NRK: variants seen among roughly 807,000 people sequenced by gnomAD.
NRK encodes the protein Nik related kinase.
NRK carries 67 observed loss-of-function variants against 125.2 expected under a neutral mutation model. The ratio of observed to expected loss-of-function variants is 0.54; its 90% confidence interval spans 0.44 to 0.66. NRK has a LOEUF of 0.66. Ranked by LOEUF, NRK falls within the 30% of genes least tolerant of loss-of-function variation. The pLI, the probability that NRK is intolerant of heterozygous loss-of-function variation, is 0.00. For missense variants in NRK, 1,224 were observed against 1,192.9 expected, an observed-to-expected ratio of 1.03 and a Z score of -0.38; for synonymous variants, 458 against 429.0, an observed-to-expected ratio of 1.07 and a Z score of -0.84.
chrX:105,898,646 A>G lies in NRK; in HGVS notation c.643A>G (p.Thr215Ala). ...TGGAAGAAGGAATAGTTTCATTGGG[A>G]CACCATACTGGATGGCACCTGAGGT... ...TNGRRNSFIGTPYWMAPEVID... is the reference protein window; with the variant it reads ...TNGRRNSFIGAPYWMAPEVID... The change falls in exon 8 of 29, where the codon ACA becomes GCA. Residue 215 changes from threonine (T) to alanine (A), a missense_variant. Transcript: ENST00000243300. 8.3e-7 allele frequency: 1 copy of G among 1,198,690 alleles called. No individual in the cohort carries two copies. Among genetic ancestry groups the G allele is most frequent in the Non-Finnish European group, 1.1e-6 (1 of 886,092 alleles).
intron 2 of NRK, among the ~76,000 whole-genome samples, chrX:105,849,194 G>A (rs1166304559): frequency 2.7e-5 from 3 of 111,524 alleles, no homozygotes; most frequent in Admixed American, 9.5e-5. Context: ...GCATGGTGGC[G>A]GCAAGAGAAA....
intron 23 of NRK, among the ~76,000 whole-genome samples, chrX:105,943,455 G>A (rs1231092600): frequency 8.9e-6 from 1 of 111,880 alleles, no homozygotes; most frequent in Non-Finnish European, 1.9e-5. Flanking sequence ...ATTGGAAAGT[G>A]TGAGTTCTCC....
In NRK at chrX:105,911,093, T is replaced by A. The variant is rs1284773144; in HGVS notation, c.2241+1211T>A. Reference sequence around the variant, plus strand: ...GCAAGCTTGGTATATTTTTGTTTCTTCCCCTCTCTTCTTCTGTGATTAATT... The same window carrying A: ...GCAAGCTTGGTATATTTTTGTTTCTACCCCTCTCTTCTTCTGTGATTAATT... On this transcript the variant is annotated intron_variant, in intron 13 of 28. Coordinates refer to ENST00000243300, the MANE Select transcript of NRK (RefSeq NM_198465.4). Among the ~76,000 whole-genome samples, 6 of 111,402 alleles carry A rather than the reference T, an allele frequency of 5.4e-5. 1 individual carries two copies. Among genetic ancestry groups the A allele is most frequent in the Non-Finnish European group, 1.1e-4 (6 of 53,101 alleles).
In NRK at chrX:105,946,253, T is replaced by A. The variant is rs182207898; in HGVS notation, c.4204-62T>A. 3.9e-5 allele frequency: 39 copies of A among 1,011,041 alleles called. No homozygotes were observed. In the African/African-American group the frequency reaches 6.3e-4, roughly 16 times the overall value. 83.3% of individuals were successfully genotyped at this position (1,011,041 alleles called of 1,213,427 possible). On this transcript the variant is annotated intron_variant, in intron 25 of 28. Coordinates refer to ENST00000243300, the MANE Select transcript of NRK (RefSeq NM_198465.4). ...TAAACCTGACAAAAGAGTGAGGGAA[T>A]TTTTGCCTTAGTTAGAATGTCATTT...
At position 105,946,473 on chromosome X, in the gene NRK, A is replaced by G. The variant is rs187212925; in HGVS notation, c.4353+9A>G. 1.8e-6 allele frequency: 2 copies of G among 1,142,683 alleles called. No individual in the cohort carries two copies. Among genetic ancestry groups the G allele is most frequent in the Non-Finnish European group, 2.4e-6 (2 of 843,257 alleles). The allele number at this position is 1,142,683 out of a possible 1,213,427, so 94.2% of individuals were successfully genotyped here. On this transcript the variant is annotated intron_variant, in intron 26 of 28. Coordinates refer to ENST00000243300, the MANE Select transcript of NRK (RefSeq NM_198465.4). Reference sequence around the variant, plus strand: ...TGACCCTGCCAAAGAATGTAAGATAACACCTTCAGATTCCTAGAAATTATT... The same window carrying G: ...TGACCCTGCCAAAGAATGTAAGATAGCACCTTCAGATTCCTAGAAATTATT...
At chrX:105,869,788 T>G (rs2147692830) in intron 2 of NRK, among the ~76,000 whole-genome samples, 1 of 112,233 alleles carries the variant, frequency 8.9e-6, no homozygotes, top group East Asian at 2.8e-4. Flanking sequence ...GTCTCAGTGC[T>G]TTTCTTTCAA....
chrX:105,906,417 C>T lies in NRK; in HGVS notation c.849C>T (p.Ser283=). The change falls in exon 11 of 29, where the codon TCC becomes TCT. Residue 283 remains serine (S), a synonymous_variant. Coordinates refer to ENST00000243300, the MANE Select transcript of NRK (RefSeq NM_198465.4). The part of the protein sequence containing the change: ...SAPTVKSSGW[S]RKFHNFMEKC... The stretch of plus-strand genomic sequence containing the variant: ...CTCTCTTTGACTCATTTTTTAGGTC[C>T]CGTAAGTTCCACAATTTCATGGAAA... The T allele has an allele frequency of 1.7e-6, 2 of 1,147,955 alleles. No individual in the cohort carries two copies. Among genetic ancestry groups the T allele is most frequent in the Non-Finnish European group, 2.3e-6 (2 of 854,779 alleles). 94.6% of individuals were successfully genotyped at this position (1,147,955 alleles called of 1,213,427 possible).
At chrX:105,883,041 G>A (rs934595890) in intron 4 of NRK, among the ~76,000 whole-genome samples, 3 of 111,935 alleles carry the variant, frequency 2.7e-5, no homozygotes, top group African/African-American at 9.7e-5. Context: ...CAAAACGCAG[G>A]GTATTCAGGC....
intron 15 of NRK, among the ~76,000 whole-genome samples, chrX:105,916,030 G>A (rs2040360953): frequency 1.8e-5 from 2 of 110,368 alleles, no homozygotes; most frequent in Non-Finnish European, 3.8e-5. Context: ...TAAATAGATG[G>A]CAAGGTTCAC....
chrX:105,906,391 C>A, intron 10 of NRK, 23 bp from the exon 11 acceptor site: 2 of 1,032,720 alleles, frequency 1.9e-6, no homozygotes, highest in South Asian at 2.7e-5. Context: ...ACTTTTTTTT[C>A]CTCTCTTTGA....
At chrX:105,845,136 C>T (rs2039384110) in intron 2 of NRK, among the ~76,000 whole-genome samples, 1 of 111,634 alleles carries the variant, frequency 9.0e-6, no homozygotes, top group South Asian at 3.7e-4. Context: ...GCCACTTGCC[C>T]TCTATTTGCA....
chrX:105,854,261 C>T (rs1048976747), intron 2 of NRK, among the ~76,000 whole-genome samples: 1 of 111,795 alleles, frequency 8.9e-6, no homozygotes, highest in Non-Finnish European at 1.9e-5. Context: ...TGTTAGTCTG[C>T]TGCCAAACAG....
chrX:105,887,701 A>G (rs2039965213), intron 4 of NRK, among the ~76,000 whole-genome samples: 1 of 112,217 alleles, frequency 8.9e-6, no homozygotes, highest in Admixed American at 9.5e-5. Context: ...TAGTCACAAA[A>G]GACCATGTTA....
rs748073147 is a variant in NRK, at chrX:105,912,750, A to T, written c.2344A>T (p.Ile782Phe). ...GCCATACATTTCAAATCCTAAAAAA[A>T]TTGAGGTAAATTTTTCAATATGAGT... is the stretch of plus-strand genomic sequence containing the variant. ...LKPYISNPKK[I>F]EVQERSPSVP... Residue 782 changes from isoleucine to phenylalanine, a missense_variant, in exon 14 of 29, where the codon ATT (isoleucine) becomes TTT (phenylalanine). Coordinates refer to ENST00000243300, the MANE Select transcript of NRK (RefSeq NM_198465.4). The T allele has an allele frequency of 1.0e-6, 1 of 1,003,957 alleles. No individual in the cohort carries two copies. Among genetic ancestry groups the T allele is most frequent in the South Asian group, 2.3e-5 (1 of 44,312 alleles). 82.7% of individuals were successfully genotyped at this position (1,003,957 alleles called of 1,213,427 possible).
At chrX:105,953,825 T>C (rs777240483) in intron 28 of NRK, among the ~76,000 whole-genome samples, 2 of 111,604 alleles carry the variant, frequency 1.8e-5, no homozygotes, top group African/African-American at 6.5e-5. Flanking sequence ...GAAATAATAG[T>C]GTGAAGAAAT....
intron 4 of NRK, among the ~76,000 whole-genome samples, chrX:105,886,112 A>G (rs887038241): frequency 9.1e-6 from 1 of 109,838 alleles, no homozygotes; most frequent in Non-Finnish European, 1.9e-5. Context: ...TCATCTAACC[A>G]GATGGCTCCA....
chrX:105,894,835 G>C (rs759729967), intron 6 of NRK, among the ~76,000 whole-genome samples: 1 of 111,938 alleles, frequency 8.9e-6, no homozygotes, highest in South Asian at 3.7e-4. Flanking sequence ...ACTTTATTAT[G>C]AATCTCCAGT....
Position 105,946,032 on chromosome X carries a change from C to A in NRK, c.4203+17C>A. Reference sequence around the variant, plus strand: ...AAGCTCAAGGCAAGGAACTTGAAGACAGCAAACAGAATGCAGGGTCATACA... The same window carrying A: ...AAGCTCAAGGCAAGGAACTTGAAGAAAGCAAACAGAATGCAGGGTCATACA... On this transcript the variant is annotated intron_variant, in intron 25 of 28. Transcript: ENST00000243300. 8.3e-7 allele frequency: 1 copy of A among 1,198,775 alleles called. No homozygotes were observed. The highest frequency in any genetic ancestry group is 1.1e-6 in the Non-Finnish European group (1 of 886,294).
intron 2 of NRK, among the ~76,000 whole-genome samples, chrX:105,871,820 T>C (rs930670584): frequency 1.8e-5 from 2 of 111,719 alleles, no homozygotes; most frequent in African/African-American, 6.5e-5. Flanking sequence ...ATAGGACATT[T>C]CTCCATAGAG....
Sources: allele counts gnomAD v4.1 joint callset (sites outside exome capture counted in the v4.1 genomes callset), GRCh38; gene constraint gnomAD v4.1.1; transcripts MANE v1.5; gene names NCBI Gene and HGNC (gene_info 2026-07-23, HGNC 2026-07-21).